The following ZNF462 variants were observed in gnomAD, a reference collection of about 807,000 sequenced individuals.
ZNF462 encodes zinc finger PBX1-interacting protein.
A neutral mutation model predicts 201.9 loss-of-function variants in ZNF462; 10 were observed. The observed-to-expected ratio is 0.05, with a 90% CI of 0.03 to 0.08. ZNF462 has a LOEUF of 0.08. Ranked by LOEUF, ZNF462 falls within the 10% of genes least tolerant of loss-of-function variation. ZNF462 has a pLI of 1.00. For missense variants in ZNF462, 2,523 were observed against 3,168.3 expected (o/e 0.80, Z 4.89); for synonymous variants, 1,227 against 1,193.3 (o/e 1.03, Z -0.58).
Position 106,885,158 on chromosome 9 carries a change from A to G in ZNF462, c.-31+21803A>G, listed in dbSNP as rs1310141228. Among the ~76,000 whole-genome samples, 1 of 152,190 alleles carries G rather than the reference A, an allele frequency of 6.6e-6. No homozygotes were observed. The highest frequency in any genetic ancestry group is 1.5e-5 in the Non-Finnish European group (1 of 68,030). ...TCAGCTTCCCAAGAAAATGCAAGGA[A>G]TTTATTTATTTTCTTTACATGTTGT... On this transcript the variant is annotated intron_variant, in intron 1 of 12. Coordinates refer to ENST00000277225, the MANE Select transcript of ZNF462 (RefSeq NM_021224.6). The surrounding 1 kb of genome is among the most constrained non-coding windows in gnomAD (Gnocchi z 4.1).
At chr9:106,866,639 T>C (rs1165875297) in intron 1 of ZNF462, among the ~76,000 whole-genome samples, 1 of 152,202 alleles carries the variant, frequency 6.6e-6, no homozygotes, top group African/African-American at 2.4e-5. Flanking sequence ...AAAATCCTAC[T>C]TGGAATCATA....
rs374902729 is a variant in ZNF462, at chr9:106,924,960, T to C, written c.1048T>C (p.Ser350Pro). 6.2e-7 allele frequency: 1 copy of C among 1,614,090 alleles called. No individual in the cohort carries two copies. The highest frequency in any genetic ancestry group is 8.5e-7 in the Non-Finnish European group (1 of 1,180,048). Residue 350 changes from serine to proline, a missense_variant, in exon 3 of 13, where the codon TCA becomes CCA. Ser to Pro is a moderately conservative substitution (Grantham distance 74). Around this residue, in one of 15 missense-constraint regions of ZNF462, gnomAD observed 480 missense variants for 544.4 expected, o/e 0.88. Coordinates refer to ENST00000277225, the MANE Select transcript of ZNF462 (RefSeq NM_021224.6). This position sits in a 1 kb window ranked among gnomAD's most constrained non-coding sequence, Gnocchi z 6.2. ...GTCTTACCCTCAGATGAAGCCGAAG[T>C]CACCTCACAATTCTGGTCTAGTTAA... is the stretch of plus-strand genomic sequence containing the variant. ...PMSYPQMKPK[S>P]PHNSGLVNLT... is the part of the protein sequence containing the mutation.
In ZNF462 at chr9:106,935,211, T is replaced by C. The variant is rs781631638; in HGVS notation, c.6117-292T>C. ...CTTCTCTTTAGATACACTCTTCCAA[T>C]GATCAGAGCTCTAAGAAGGGACAAT... On this transcript the variant is annotated intron_variant, in intron 5 of 12. Coordinates refer to ENST00000277225, the MANE Select transcript of ZNF462 (RefSeq NM_021224.6). This position sits in a 1 kb window ranked among gnomAD's most constrained non-coding sequence, Gnocchi z 4.1. Among the ~76,000 whole-genome samples, 39 of 152,182 alleles carry C rather than the reference T, an allele frequency of 2.6e-4. No homozygotes were observed. The highest frequency in any genetic ancestry group is 4.1e-4 in the Non-Finnish European group (28 of 68,038).
rs1210290717 is a variant in ZNF462 at position 106,913,664 on chromosome 9, C to G, written c.-30-9690C>G. 7.2e-6 allele frequency among the ~76,000 whole-genome samples: 1 copy of G among 138,480 alleles called. No homozygotes were observed. The highest frequency in any genetic ancestry group is 1.7e-5 in the Non-Finnish European group (1 of 60,054). 90.8% of individuals were successfully genotyped at this position (138,480 alleles called of 152,430 possible). On this transcript the variant is annotated intron_variant, in intron 1 of 12. Coordinates refer to ENST00000277225, the MANE Select transcript of ZNF462 (RefSeq NM_021224.6). The surrounding 1 kb of genome is among the most constrained non-coding windows in gnomAD (Gnocchi z 4.1). Reference sequence around the variant, plus strand: ...CCAGGCTGGAGTGCAGTGGCATGATCTCGACTCACTGCAACCTCTGTCTCC... The same window carrying G: ...CCAGGCTGGAGTGCAGTGGCATGATGTCGACTCACTGCAACCTCTGTCTCC...
In ZNF462 at chr9:106,950,967, G is replaced by A. The variant is rs929072699; in HGVS notation, c.6427+11860G>A. ...TAGCCAGGCTTGGTGGCGAGCGCCT[G>A]TAATTCCAGCCACTCCGGAGGCTGA... On this transcript the variant is annotated intron_variant, in intron 7 of 12. Transcript: ENST00000277225. This position sits in a 1 kb window ranked among gnomAD's most constrained non-coding sequence, Gnocchi z 4.1. 2.0e-5 allele frequency among the ~76,000 whole-genome samples: 3 copies of A among 152,124 alleles called. No individual in the cohort carries two copies. The highest frequency in any genetic ancestry group is 1.9e-4 in the East Asian group (1 of 5,168).
At position 106,965,405 on chromosome 9, in the gene ZNF462, A is replaced by G. The variant is rs77006708; in HGVS notation, c.6428-6600A>G. ...ACTGGAATTGATCTTAGAAGAAGAA[A>G]CACCAGGTAGGAGACTTCAAGAGTT... On this transcript the variant is annotated intron_variant, in intron 7 of 12. Transcript: ENST00000277225. 1.4e-3 allele frequency among the ~76,000 whole-genome samples: 210 copies of G among 152,156 alleles called. 5 individuals are homozygous for G. In the East Asian group the frequency reaches 0.038, roughly 27 times the overall value.
In ZNF462 at chr9:107,011,112, G is replaced by A; in HGVS notation, c.*82G>A. On this transcript the variant is annotated 3_prime_UTR_variant, in exon 13 of 13. Coordinates refer to ENST00000277225, the MANE Select transcript of ZNF462 (RefSeq NM_021224.6). This position sits in a 1 kb window ranked among gnomAD's most constrained non-coding sequence, Gnocchi z 5.6. ...GGCTGGCTTGGGCTGAGAAGGGAGGGACAGAAAAGAGAAGACAGAACAAAG... is the reference window on the plus strand; with the variant it reads ...GGCTGGCTTGGGCTGAGAAGGGAGGAACAGAAAAGAGAAGACAGAACAAAG... The A allele has an allele frequency of 1.4e-6, 2 of 1,400,498 alleles. No homozygotes were observed. Among genetic ancestry groups the A allele is most frequent in the Admixed American group, 3.7e-5 (2 of 54,716 alleles). The allele number at this position is 1,400,498 out of a possible 1,614,324, so 86.8% of individuals were successfully genotyped here.
chr9:106,975,205 C>T (rs1826908410), intron 9 of ZNF462: 1 of 152,208 alleles, frequency 6.6e-6, no homozygotes, highest in African/African-American at 2.4e-5. Flanking sequence ...TTCATTCTTT[C>T]TCTCCATCCC....
rs1264465961 is a variant in ZNF462 at position 106,963,275 on chromosome 9, C to T, written c.6428-8730C>T. ...AACCGAGAACAATTTTTTAAATCAG[C>T]AGACTTCTTGAGTCTGAGAATCATC... On this transcript the variant is annotated intron_variant, in intron 7 of 12. Coordinates refer to ENST00000277225, the MANE Select transcript of ZNF462 (RefSeq NM_021224.6). The surrounding 1 kb of genome is among the most constrained non-coding windows in gnomAD (Gnocchi z 4.7). Among the ~76,000 whole-genome samples, 1 of 152,074 alleles carries T rather than the reference C, an allele frequency of 6.6e-6. No individual in the cohort carries two copies. Among genetic ancestry groups the T allele is most frequent in the African/African-American group, 2.4e-5 (1 of 41,438 alleles).
At chr9:106,863,551 G>A (rs1195568927) in intron 1 of ZNF462, among the ~76,000 whole-genome samples, 196 bp downstream of exon 1, 2 of 150,646 alleles carry the variant, frequency 1.3e-5, no homozygotes, top group Admixed American at 6.6e-5. Context: ...GGAGGGGGAG[G>A]AGGGAGAGCA....
At chr9:106,961,816 C>T (rs557560321) in intron 7 of ZNF462, among the ~76,000 whole-genome samples, 3 of 151,946 alleles carry the variant, frequency 2.0e-5, no homozygotes, top group African/African-American at 4.8e-5. Context: ...GGAAAATCTT[C>T]GTGGTGATGG....
chr9:106,899,239 TGGGGG>T (rs71384992), intron 1 of ZNF462, among the ~76,000 whole-genome samples: 925 of 57,560 alleles, frequency 0.016, 27 homozygotes, highest in African/African-American at 0.043. Flanking sequence ...TGTGTGTGTG[TGGGGG>T]GGGGGGGGTG....
rs1302330360 is a variant in ZNF462, at chr9:106,932,202, G to A, written c.6013-244G>A. On this transcript the variant is annotated intron_variant, in intron 4 of 12. Transcript: ENST00000277225. The surrounding 1 kb of genome is among the most constrained non-coding windows in gnomAD (Gnocchi z 6.8). ...ATGTAGGGAGAAAAAGAAAGCTGGA[G>A]GCAATGATGATGGATATTTATTTTG... is the stretch of plus-strand genomic sequence containing the variant. 2 of 1,539,430 alleles carry A rather than the reference G, an allele frequency of 1.3e-6. No individual in the cohort carries two copies. Among genetic ancestry groups the A allele is most frequent in the African/African-American group, 2.7e-5 (2 of 72,790 alleles).
At chr9:106,960,059 A>G (rs1389286812) in intron 7 of ZNF462, among the ~76,000 whole-genome samples, 1 of 152,116 alleles carries the variant, frequency 6.6e-6, no homozygotes, top group African/African-American at 2.4e-5. Context: ...TTGTTGGCTC[A>G]GAGACTCCCG....
chr9:106,940,718 G>A (rs1044621306), intron 7 of ZNF462, among the ~76,000 whole-genome samples: 20 of 151,940 alleles, frequency 1.3e-4, no homozygotes, highest in African/African-American at 2.2e-4. Flanking sequence ...TAGCTACTGT[G>A]TAGTAGTTTA....
chr9:106,909,722 G>A (rs1169004505), intron 1 of ZNF462, among the ~76,000 whole-genome samples: 1 of 152,112 alleles, frequency 6.6e-6, no homozygotes, highest in Non-Finnish European at 1.5e-5. Context: ...AAAGTCAGAG[G>A]ACACCTGACT....
At chr9:106,965,167 AGAATTTG>A (rs1832015338) in intron 7 of ZNF462, among the ~76,000 whole-genome samples, 1 of 152,080 alleles carries the variant, frequency 6.6e-6, no homozygotes, top group South Asian at 2.1e-4. Context: ...AGGATGGGTA[AGAATTTG>A]CCAGGGAAAA....
intron 7 of ZNF462, among the ~76,000 whole-genome samples, chr9:106,965,084 G>A (rs1440299294): frequency 2.6e-5 from 4 of 152,100 alleles, no homozygotes; most frequent in South Asian, 2.1e-4. Flanking sequence ...AAGCATAGAG[G>A]AAAGCAAAGA....
chr9:106,920,489 A>C lies in ZNF462; in HGVS notation c.-30-2865A>C, dbSNP rs1829946866. Among the ~76,000 whole-genome samples, 1 of 152,196 alleles carries C rather than the reference A, an allele frequency of 6.6e-6. No homozygotes were observed. Among genetic ancestry groups the C allele is most frequent in the Non-Finnish European group, 1.5e-5 (1 of 68,042 alleles). ...ATTGAAGGCCATTCAGCTCTACCTGATGCTGGTTCTCTCAGCGGCCTGGAG... is the reference window on the plus strand; with the variant it reads ...ATTGAAGGCCATTCAGCTCTACCTGCTGCTGGTTCTCTCAGCGGCCTGGAG... On this transcript the variant is annotated intron_variant, in intron 1 of 12. Coordinates refer to ENST00000277225, the MANE Select transcript of ZNF462 (RefSeq NM_021224.6). This position sits in a 1 kb window ranked among gnomAD's most constrained non-coding sequence, Gnocchi z 4.3.
Sources: allele counts gnomAD v4.1 joint callset (sites outside exome capture counted in the v4.1 genomes callset), GRCh38; gene constraint gnomAD v4.1.1; regional missense constraint gnomAD v4.1.1; non-coding constraint Gnocchi (gnomAD v3.1); transcripts MANE v1.5; gene names NCBI Gene and HGNC (gene_info 2026-07-23, HGNC 2026-07-21).